Variants in LYPLAL1 observed in about 807,000 individuals in gnomAD.
LYPLAL1 encodes the protein lysophospholipase like 1.
Under a neutral mutation model 19.7 loss-of-function variants are expected in LYPLAL1, and 23 were observed. That is an observed-to-expected ratio of 1.17 (90% CI 0.84 to 1.65). The LOEUF (loss-of-function observed/expected upper bound fraction) is 1.65, where lower values mean the gene tolerates loss of function less well. Ranked by LOEUF, LYPLAL1 falls within the 40% of genes most tolerant of loss-of-function variation. The pLI, the probability that LYPLAL1 is intolerant of heterozygous loss-of-function variation, is 0.00. For missense variants in LYPLAL1, 355 were observed against 279.4 expected (o/e 1.27, Z -1.93); for synonymous variants, 119 against 96.3 (o/e 1.24, Z -1.38).
At chr1:219,177,766 T>C (rs1388743487) in intron 1 of LYPLAL1, among the ~76,000 whole-genome samples, 1 of 152,228 alleles carries the variant, frequency 6.6e-6, no homozygotes, top group East Asian at 1.9e-4. Flanking sequence ...GTACATCTAC[T>C]TTTGCTCTCT....
the LYPLAL1 span, among the ~76,000 whole-genome samples, chr1:219,442,176 G>A: frequency 6.6e-6 from 1 of 151,930 alleles, no homozygotes; most frequent in African/African-American, 2.4e-5. Context: ...CTTCCTCCCT[G>A]TTTTTCTCCC....
chr1:219,202,265 T>C (rs529385325), intron 3 of LYPLAL1, among the ~76,000 whole-genome samples: 2 of 152,320 alleles, frequency 1.3e-5, no homozygotes, highest in South Asian at 4.1e-4. Context: ...ACATGTAATG[T>C]TGAAAAAGTT....
At chr1:219,263,945 C>G in the LYPLAL1 span, among the ~76,000 whole-genome samples, 1 of 152,156 alleles carries the variant, frequency 6.6e-6, no homozygotes, top group Non-Finnish European at 1.5e-5. Flanking sequence ...TTCAGTCTTC[C>G]TGGCATGTTC....
chr1:219,382,400 C>A, the LYPLAL1 span, among the ~76,000 whole-genome samples: 4 of 152,116 alleles, frequency 2.6e-5, no homozygotes, highest in African/African-American at 9.7e-5. Context: ...TGCTCTGTCA[C>A]CCAGGCTGGA....
the LYPLAL1 span, among the ~76,000 whole-genome samples, chr1:219,255,621 C>G: frequency 6.6e-6 from 1 of 151,740 alleles, no homozygotes; most frequent in Non-Finnish European, 1.5e-5. Context: ...AAATGGGCCC[C>G]TCGTGCAATG....
the LYPLAL1 span, among the ~76,000 whole-genome samples, chr1:219,329,351 T>G: frequency 1.5e-4 from 23 of 152,182 alleles, no homozygotes; most frequent in Non-Finnish European, 8.8e-5. Flanking sequence ...GCTCTTTGAT[T>G]CGTGAATTAT....
chr1:219,271,440 A>G, the LYPLAL1 span: 4 of 151,692 alleles, frequency 2.6e-5, no homozygotes, highest in Non-Finnish European at 4.4e-5. Context: ...TTTCTAACTA[A>G]AAGACCGGCT....
At chr1:219,387,376 G>A in the LYPLAL1 span, among the ~76,000 whole-genome samples, 9 of 152,320 alleles carry the variant, frequency 5.9e-5, no homozygotes, top group Admixed American at 5.9e-4. Context: ...CTCTTGCCCA[G>A]AGAGGAAGCT....
chr1:219,191,441 G>A (rs992909084), intron 2 of LYPLAL1, among the ~76,000 whole-genome samples: 2 of 151,602 alleles, frequency 1.3e-5, no homozygotes, highest in African/African-American at 4.8e-5. Context: ...AGTTAGAACT[G>A]TAACTGATGA....
the LYPLAL1 span, among the ~76,000 whole-genome samples, chr1:219,309,306 C>T: frequency 6.6e-6 from 1 of 152,180 alleles, no homozygotes; most frequent in African/African-American, 2.4e-5. Context: ...ATTTTACAGG[C>T]TAGTAGGCAG....
chr1:219,188,257 CA>C (rs1656879440), intron 2 of LYPLAL1, among the ~76,000 whole-genome samples: 1 of 151,694 alleles, frequency 6.6e-6, no homozygotes, highest in African/African-American at 2.4e-5. Flanking sequence ...GTAATAATTT[CA>C]AATAGTGATA....
chr1:219,385,860 TC>T, the LYPLAL1 span, among the ~76,000 whole-genome samples: 6 of 152,278 alleles, frequency 3.9e-5, no homozygotes, highest in East Asian at 1.2e-3. Context: ...TATAATTGCT[TC>T]ATCTATTTTT....
At chr1:219,286,934 A>G in the LYPLAL1 span, among the ~76,000 whole-genome samples, 1 of 152,140 alleles carries the variant, frequency 6.6e-6, no homozygotes, top group South Asian at 2.1e-4. Context: ...AAAAATCTGC[A>G]TGGAATTGAA....
chr1:219,211,731 GAAT>G lies in LYPLAL1; in HGVS notation c.*4_*6del. 6.4e-7 allele frequency: 1 copy of G among 1,570,584 alleles called. No individual in the cohort carries two copies. The highest frequency in any genetic ancestry group is 8.7e-7 in the Non-Finnish European group (1 of 1,149,706). On this transcript the variant is annotated 3_prime_UTR_variant, in exon 5 of 5. Transcript: ENST00000366928. The stretch of plus-strand genomic sequence containing the variant: ...GAGAAATGGAAAAACAAAAATGAAT[GAAT>G]CAAGAGTGATTTGTTAATGTAAGTG...
At chr1:219,427,355 CT>C in the LYPLAL1 span, among the ~76,000 whole-genome samples, 1 of 152,178 alleles carries the variant, frequency 6.6e-6, no homozygotes, top group Admixed American at 6.5e-5. Flanking sequence ...TTATGGGTTA[CT>C]CCTTTTGAAA....
the LYPLAL1 span, among the ~76,000 whole-genome samples, chr1:219,422,024 C>G: frequency 6.6e-6 from 1 of 152,124 alleles, no homozygotes; most frequent in African/African-American, 2.4e-5. Context: ...GTCAGTCACT[C>G]TAAGCTTTGA....
the LYPLAL1 span, among the ~76,000 whole-genome samples, chr1:219,356,275 G>A: frequency 2.6e-5 from 4 of 152,266 alleles, no homozygotes; most frequent in East Asian, 7.7e-4. Context: ...GCCGAGGTGG[G>A]CGGATCATGA....
chr1:219,432,293 A>G, the LYPLAL1 span, among the ~76,000 whole-genome samples: 1 of 152,156 alleles, frequency 6.6e-6, no homozygotes, highest in South Asian at 2.1e-4. Context: ...CTTTCAGCAT[A>G]TTATTTGCTT....
chr1:219,335,125 A>G, the LYPLAL1 span, among the ~76,000 whole-genome samples: 1 of 152,010 alleles, frequency 6.6e-6, no homozygotes, highest in South Asian at 2.1e-4. Flanking sequence ...TTACATTAAT[A>G]GAGAACTGAG....
Sources: gnomAD v4.1 joint callset for allele counts (sites outside exome capture counted in the v4.1 genomes callset) on GRCh38, gnomAD v4.1.1 for gene constraint, MANE v1.5 for transcripts, NCBI Gene and HGNC (gene_info 2026-07-23, HGNC 2026-07-21) for gene names.